Variants in MALRD1 observed in about 807,000 individuals in gnomAD.
The protein encoded by MALRD1 is MAM and LDL receptor class A domain containing 1.
MALRD1 carries 247 observed loss-of-function variants against 242.1 expected under a neutral mutation model. The ratio of observed to expected loss-of-function variants is 1.02; its 90% CI spans 0.92 to 1.13. The LOEUF (loss-of-function observed/expected upper bound fraction) is 1.13, where lower values mean the gene tolerates loss of function less well. Among genes scored for constraint, MALRD1 ranks in the 50% most tolerant of loss-of-function variants. The pLI is 0.00. For missense variants in MALRD1, 2,989 were observed against 2,533.1 expected (o/e 1.18, Z -3.86); for synonymous variants, 995 against 866.6 (o/e 1.15, Z -2.60).
At chr10:19,323,146 T>C (rs1471870259) in intron 21 of MALRD1, among the ~76,000 whole-genome samples, 1 of 152,180 alleles carries the variant, frequency 6.6e-6, no homozygotes, top group Non-Finnish European at 1.5e-5. Context: ...TAAAATGTGT[T>C]GAAGTGAAAC....
chr10:19,494,029 A>C (rs1486269764), intron 30 of MALRD1, among the ~76,000 whole-genome samples: 3 of 152,186 alleles, frequency 2.0e-5, no homozygotes, highest in African/African-American at 7.2e-5. Flanking sequence ...AGAGGAGCCC[A>C]CACATTCAGG....
chr10:19,337,050 A>G (rs1003391021), intron 24 of MALRD1, among the ~76,000 whole-genome samples: 14 of 152,104 alleles, frequency 9.2e-5, no homozygotes, highest in Admixed American at 6.6e-5. Flanking sequence ...GTGTATATGT[A>G]TTACACAAAA....
intron 33 of MALRD1, among the ~76,000 whole-genome samples, chr10:19,583,375 CTTA>C (rs1280066227): frequency 6.6e-6 from 1 of 150,866 alleles, no homozygotes; most frequent in Non-Finnish European, 1.5e-5. Flanking sequence ...GTAGATAGCT[CTTA>C]TTATTTTGAG....
chr10:19,663,089 T>C (rs1841518765), intron 36 of MALRD1, among the ~76,000 whole-genome samples: 1 of 152,152 alleles, frequency 6.6e-6, no homozygotes, highest in Admixed American at 6.6e-5. Flanking sequence ...TACTGCATAA[T>C]GGCAAAGTCT....
intron 21 of MALRD1, among the ~76,000 whole-genome samples, chr10:19,318,974 TAC>T (rs5783665): frequency 0.57 from 84,849 of 148,788 alleles, 24,161 homozygotes; most frequent in Non-Finnish European, 0.62. Context: ...TACACAGACA[TAC>T]ACACACACAC....
intron 21 of MALRD1, among the ~76,000 whole-genome samples, chr10:19,295,743 C>G (rs1841663322): frequency 6.6e-6 from 1 of 152,146 alleles, no homozygotes; most frequent in Admixed American, 6.6e-5. Flanking sequence ...TTGTTCAACA[C>G]TGTAGCCCTA....
At chr10:19,356,193 A>C (rs10763964) in intron 26 of MALRD1, among the ~76,000 whole-genome samples, 119,077 of 151,584 alleles carry the variant, frequency 0.79, 47,327 homozygotes, top group African/African-American at 0.9. Context: ...TCATTTGTAT[A>C]TATATGAAGT....
intron 11 of MALRD1, among the ~76,000 whole-genome samples, chr10:19,148,788 A>AAAAAAATATATATATATATATATATAT (rs1206724666): frequency 1.1e-5 from 1 of 88,012 alleles, no homozygotes; most frequent in Non-Finnish European, 2.5e-5. Context: ...AAAAAAAAAA[A>AAAAAAATATATATATATATATATATAT]ATATATATAT....
Position 19,730,713 on chromosome 10 carries a change from G to T in MALRD1, c.6322G>T (p.Glu2108Ter). ...ANRKVPIRKT[E>*]GSGNCAFVNP... Reference sequence around the variant, plus strand: ...GGCCCTGTGTGCTTTAAGGAAAACCGAGGGAAGTGGTAACTGTGCCTTTGT... The same window carrying T: ...GGCCCTGTGTGCTTTAAGGAAAACCTAGGGAAGTGGTAACTGTGCCTTTGT... The change falls in exon 39 of 40, where the codon GAG becomes TAG. Residue 2108 changes from glutamate (E) to a stop codon, truncating the protein, a stop_gained. Coordinates refer to ENST00000454679, the MANE Select transcript of MALRD1 (RefSeq NM_001142308.3). LOFTEE classifies it high-confidence loss of function. 3 of 1,536,554 alleles carry T rather than the reference G, an allele frequency of 2.0e-6. No homozygotes were observed. The highest frequency in any genetic ancestry group is 2.6e-6 in the Non-Finnish European group (3 of 1,147,012).
chr10:19,357,274 T>G (rs528585121), intron 26 of MALRD1, among the ~76,000 whole-genome samples: 1 of 152,266 alleles, frequency 6.6e-6, no homozygotes, highest in Non-Finnish European at 1.5e-5. Flanking sequence ...AAAGCAGAGA[T>G]AATTTCCACA....
chr10:19,437,918 T>C (rs1313591011), intron 28 of MALRD1, among the ~76,000 whole-genome samples: 1 of 152,168 alleles, frequency 6.6e-6, no homozygotes, highest in Non-Finnish European at 1.5e-5. Context: ...CATCCTCAAA[T>C]TGCCCCATTC....
chr10:19,055,050 G>T (rs191352635), intron 1 of MALRD1, among the ~76,000 whole-genome samples: 1 of 152,106 alleles, frequency 6.6e-6, no homozygotes, highest in South Asian at 2.1e-4. Flanking sequence ...TCTGTATTCT[G>T]CCAGCACTTG....
At chr10:19,466,468 T>C (rs536841141) in intron 29 of MALRD1, among the ~76,000 whole-genome samples, 2 of 152,308 alleles carry the variant, frequency 1.3e-5, no homozygotes, top group South Asian at 4.1e-4. Flanking sequence ...GCTTGAGCTG[T>C]CATAATAAAA....
intron 11 of MALRD1, among the ~76,000 whole-genome samples, chr10:19,153,048 C>G (rs928982147): frequency 2.0e-5 from 3 of 151,904 alleles, no homozygotes; most frequent in Non-Finnish European, 4.4e-5. Flanking sequence ...TGAAATTGTT[C>G]ACTGGTTTTT....
intron 21 of MALRD1, among the ~76,000 whole-genome samples, chr10:19,300,841 A>C (rs557873434): frequency 1.1e-3 from 167 of 152,226 alleles, no homozygotes; most frequent in Non-Finnish European, 1.9e-3. Context: ...ATGGTAACAA[A>C]AACAAAAATT....
chr10:19,107,799 G>A (rs1013610753), intron 5 of MALRD1, among the ~76,000 whole-genome samples: 3 of 150,840 alleles, frequency 2.0e-5, no homozygotes, highest in African/African-American at 7.3e-5. Context: ...TTTATCTGCT[G>A]TAATTTTTTT....
intron 26 of MALRD1, among the ~76,000 whole-genome samples, chr10:19,357,105 G>A (rs1309065420): frequency 2.5e-5 from 2 of 80,012 alleles, no homozygotes. Flanking sequence ...GTGAGACTCT[G>A]TCTGAAAAAA....
chr10:19,460,159 C>T (rs1213218286), intron 29 of MALRD1, among the ~76,000 whole-genome samples: 2 of 152,074 alleles, frequency 1.3e-5, no homozygotes, highest in African/African-American at 4.8e-5. Flanking sequence ...AAGGCTCCTA[C>T]TTTATACTCA....
At chr10:19,175,095 T>A (rs1484680063) in intron 13 of MALRD1, 113 bp from the exon 14 acceptor site, 2 of 751,012 alleles carry the variant, frequency 2.7e-6, no homozygotes, top group Admixed American at 4.5e-5. Flanking sequence ...TTTCTAAAAT[T>A]AGATTGGAGA....
Sources: gnomAD v4.1 joint callset for allele counts (sites outside exome capture counted in the v4.1 genomes callset) on GRCh38, gnomAD v4.1.1 for gene constraint, MANE v1.5 for transcripts, NCBI Gene and HGNC (gene_info 2026-07-23, HGNC 2026-07-21) for gene names.